The following ARHGAP10 variants were observed in gnomAD, a reference collection of about 807,000 sequenced individuals.
The protein encoded by ARHGAP10 is Rho GTPase activating protein 10, also known as rho GTPase-activating protein 10.
A neutral mutation model predicts 108.6 loss-of-function variants in ARHGAP10; 87 were observed. That is an observed-to-expected ratio of 0.80 (90% CI 0.67 to 0.96). The LOEUF is 0.96. Ranked by LOEUF, ARHGAP10 falls within the 40% of genes least tolerant of loss-of-function variation. The pLI, the probability that ARHGAP10 is intolerant of heterozygous loss-of-function variation, is 0.00. For synonymous variants in ARHGAP10, 347 were observed against 341.1 expected (o/e 1.02, Z -0.19); for missense variants, 939 against 954.5 (o/e 0.98, Z 0.21).
At chr4:147,737,272 T>C (rs2126674939) in intron 1 of ARHGAP10, among the ~76,000 whole-genome samples, 1 of 151,938 alleles carries the variant, frequency 6.6e-6, no homozygotes, top group Admixed American at 6.6e-5. Flanking sequence ...TGCCTTAGCC[T>C]CCCAAGTAGC....
At chr4:147,856,858 A>G (rs1377446963) in intron 4 of ARHGAP10, among the ~76,000 whole-genome samples, 1 of 152,144 alleles carries the variant, frequency 6.6e-6, no homozygotes, top group Admixed American at 6.5e-5. Flanking sequence ...AGAGTAAAAC[A>G]TACTGATTGA....
At chr4:147,894,674 T>C (rs1024425798) in intron 10 of ARHGAP10, among the ~76,000 whole-genome samples, 15 of 152,232 alleles carry the variant, frequency 9.9e-5, no homozygotes, top group African/African-American at 3.4e-4. Context: ...AATTAGTCCA[T>C]GACTCATGAA....
intron 22 of ARHGAP10, among the ~76,000 whole-genome samples, chr4:148,068,377 T>C (rs1166864472): frequency 6.6e-6 from 1 of 152,136 alleles, no homozygotes. Flanking sequence ...AGGTCTCAGA[T>C]AGACACAGAA....
chr4:148,051,587 G>A (rs553807170), intron 20 of ARHGAP10, among the ~76,000 whole-genome samples: 1 of 152,268 alleles, frequency 6.6e-6, no homozygotes, highest in East Asian at 1.9e-4. Flanking sequence ...CTCTAGCTGG[G>A]GGTGCCGGCA....
At chr4:148,008,256 G>A (rs780390474) in intron 18 of ARHGAP10, among the ~76,000 whole-genome samples, 18 of 152,074 alleles carry the variant, frequency 1.2e-4, no homozygotes, top group Non-Finnish European at 2.5e-4. Context: ...CATCTTGGAT[G>A]CACTTCTTGC....
Position 147,918,611 on chromosome 4 carries a change from C to G in ARHGAP10, c.1228+5472C>G, listed in dbSNP as rs1236143742. On this transcript the variant is annotated intron_variant, in intron 13 of 22. Transcript: ENST00000336498. ...CACATTGTCTTTCTGTTGGCCATCC[C>G]TGGTCTGGACTTAGGGGCCCTTCAT... Among the ~76,000 whole-genome samples the G allele has an allele frequency of 2.0e-5, 3 of 152,294 alleles. No individual in the cohort carries two copies. The East Asian group carries it at 5.8e-4, about 29-fold the overall frequency.
At chr4:148,007,483 G>A (rs554756605) in intron 18 of ARHGAP10, among the ~76,000 whole-genome samples, 14 of 152,306 alleles carry the variant, frequency 9.2e-5, no homozygotes, top group South Asian at 8.3e-4. Flanking sequence ...CTTGGCTTAC[G>A]TAGCTTGATG....
intron 3 of ARHGAP10, among the ~76,000 whole-genome samples, chr4:147,840,181 A>G (rs927911452): frequency 6.6e-6 from 1 of 152,014 alleles, no homozygotes; most frequent in African/African-American, 2.4e-5. Flanking sequence ...GCTGGAGGTC[A>G]CCACCTTGCC....
intron 11 of ARHGAP10, among the ~76,000 whole-genome samples, chr4:147,908,150 C>G (rs973479533): frequency 6.6e-6 from 1 of 152,066 alleles, no homozygotes; most frequent in Non-Finnish European, 1.5e-5. Context: ...AGCCTTATTT[C>G]TATTTATTCT....
intron 19 of ARHGAP10, among the ~76,000 whole-genome samples, chr4:148,029,964 C>A (rs533643517): frequency 2.6e-5 from 4 of 151,988 alleles, no homozygotes; most frequent in African/African-American, 9.7e-5. Context: ...GCGTTGGTGT[C>A]TCCCCAGAAA....
In ARHGAP10 at chr4:148,070,393, A is replaced by G. The variant is rs551592707; in HGVS notation, c.2273-1600A>G. ...AGCCAGAAGCTTACTGAATGTAAGGAAAGTGCAGGCGGTTAGTCTGCAGAC... is the reference window on the plus strand; with the variant it reads ...AGCCAGAAGCTTACTGAATGTAAGGGAAGTGCAGGCGGTTAGTCTGCAGAC... On this transcript the variant is annotated intron_variant, in intron 22 of 22. Transcript: ENST00000336498. Among the ~76,000 whole-genome samples the G allele has an allele frequency of 3.3e-5, 5 of 152,312 alleles. No individual in the cohort carries two copies. The South Asian group carries it at 1.0e-3, about 32-fold the overall frequency.
At position 147,937,115 on chromosome 4, in the gene ARHGAP10, C is replaced by T. The variant is rs2126957871; in HGVS notation, c.1229-2710C>T. 2.0e-5 allele frequency among the ~76,000 whole-genome samples: 3 copies of T among 152,292 alleles called. No individual in the cohort carries two copies. The East Asian group carries it at 5.8e-4, about 29-fold the overall frequency. ...AAAATTGTCTTCCATGAAACCAGCC[C>T]CTGGTGCCAAAAAGGTTGGGGATGG... On this transcript the variant is annotated intron_variant, in intron 13 of 22. Transcript: ENST00000336498.
chr4:148,002,811 T>C (rs1415478377), intron 18 of ARHGAP10, among the ~76,000 whole-genome samples: 1 of 152,222 alleles, frequency 6.6e-6, no homozygotes, highest in Non-Finnish European at 1.5e-5. Context: ...TCTTTTCTTC[T>C]TTATTAGTCT....
In ARHGAP10 at chr4:148,072,227, TG is replaced by T. The variant is rs1303827031; in HGVS notation, c.*152del. 3 of 339,636 alleles carry T rather than the reference TG, an allele frequency of 8.8e-6. No individual in the cohort carries two copies. The highest frequency in any genetic ancestry group is 4.5e-5 in the Admixed American group (1 of 22,378). The allele number at this position is 339,636 out of a possible 1,614,324, so 21.0% of individuals were successfully genotyped here. The stretch of plus-strand genomic sequence containing the variant: ...CCATCATCACAGTCAGCCCTGGGGG[TG>T]GGGGGTGGTGGGCAGGGATGGGACG... On this transcript the variant is annotated 3_prime_UTR_variant, in exon 23 of 23. Transcript: ENST00000336498.
At chr4:148,013,767 C>T (rs1277758734) in intron 18 of ARHGAP10, among the ~76,000 whole-genome samples, 4 of 152,138 alleles carry the variant, frequency 2.6e-5, no homozygotes, top group African/African-American at 7.2e-5. Context: ...ATAGCATTCA[C>T]GTTGGAAATT....
intron 1 of ARHGAP10, among the ~76,000 whole-genome samples, chr4:147,812,063 G>C (rs951155076): frequency 3.9e-5 from 6 of 152,140 alleles, no homozygotes; most frequent in African/African-American, 1.4e-4. Context: ...TTTTTCGACT[G>C]TTCTCTCGAG....
chr4:148,051,589 G>T (rs1046459310), intron 20 of ARHGAP10, among the ~76,000 whole-genome samples: 1 of 152,302 alleles, frequency 6.6e-6, no homozygotes, highest in South Asian at 2.1e-4. Flanking sequence ...CTAGCTGGGG[G>T]TGCCGGCACC....
At chr4:147,797,013 G>A (rs1360082170) in intron 1 of ARHGAP10, among the ~76,000 whole-genome samples, 1 of 152,056 alleles carries the variant, frequency 6.6e-6, no homozygotes, top group Non-Finnish European at 1.5e-5. Context: ...TGCTTACATT[G>A]CTGTCTCCTT....
intron 1 of ARHGAP10, among the ~76,000 whole-genome samples, chr4:147,761,299 G>A (rs1729578776): frequency 6.6e-6 from 1 of 152,168 alleles, no homozygotes; most frequent in Non-Finnish European, 1.5e-5. Context: ...TTACAGGTGT[G>A]AGCCACTGCA....
Sources: gnomAD v4.1 joint callset for allele counts (sites outside exome capture counted in the v4.1 genomes callset) on GRCh38, gnomAD v4.1.1 for gene constraint, MANE v1.5 for transcripts, NCBI Gene and HGNC (gene_info 2026-07-23, HGNC 2026-07-21) for gene names.